The following CLASP1 variants were observed in gnomAD, a reference collection of about 807,000 sequenced individuals.
The protein encoded by CLASP1 is CLIP-associating protein 1.
In CLASP1, 38 loss-of-function variants were observed where a neutral mutation model predicts 192.3. The observed-to-expected ratio is 0.20, with a 90% CI of 0.15 to 0.26. The LOEUF (loss-of-function observed/expected upper bound fraction) is 0.26, where lower values mean the gene tolerates loss of function less well. CLASP1 is among the 10% of genes least tolerant of loss of function. The probability of loss-of-function intolerance (pLI) is 1.00; values close to 1 mark genes in which losing one functional copy is unlikely to be tolerated. For missense variants in CLASP1, 1,433 were observed against 1,932.5 expected, an observed-to-expected ratio of 0.74 and a Z score of 4.85; for synonymous variants, 691 against 712.8, an observed-to-expected ratio of 0.97 and a Z score of 0.49.
At chr2:121,641,613 ATG>A (rs954569345) in intron 1 of CLASP1, among the ~76,000 whole-genome samples, 10 of 152,232 alleles carry the variant, frequency 6.6e-5, no homozygotes, top group Admixed American at 5.9e-4. Context: ...GTAATACCCA[ATG>A]TGAGTTTCAT....
At chr2:121,416,416 G>T (rs1055456073) in intron 23 of CLASP1, among the ~76,000 whole-genome samples, 1 of 152,012 alleles carries the variant, frequency 6.6e-6, no homozygotes, top group Admixed American at 6.5e-5. Flanking sequence ...CATTCTTTTT[G>T]TTGTTGTTGT....
chr2:121,434,636 C>T (rs1035963919), intron 19 of CLASP1, among the ~76,000 whole-genome samples: 2 of 152,120 alleles, frequency 1.3e-5, no homozygotes, highest in Non-Finnish European at 2.9e-5. Context: ...TTAATTTGTA[C>T]CTTTTCTGTA....
rs540822344 is a variant in CLASP1, at chr2:121,478,376, G to A, written c.713-8416C>T. ...AGCACTTTGGGAGGCCAAGGCGGGC[G>A]GACTGCCTGAGGTCAGGAGTTCCAG... On this transcript the variant is annotated intron_variant, in intron 8 of 39. Coordinates refer to ENST00000263710, the Ensembl canonical transcript of CLASP1. 4.6e-5 allele frequency among the ~76,000 whole-genome samples: 7 copies of A among 152,156 alleles called. No homozygotes were observed. In the South Asian group the frequency reaches 1.0e-3, roughly 23 times the overall value.
intron 39 of CLASP1, among the ~76,000 whole-genome samples, chr2:121,345,341 A>C (rs923938804): frequency 2.0e-5 from 3 of 152,156 alleles, no homozygotes; most frequent in Non-Finnish European, 2.9e-5. Context: ...TCAATTGCCA[A>C]ATGGGGAGGA....
intron 2 of CLASP1, among the ~76,000 whole-genome samples, chr2:121,571,950 A>T (rs930533627): frequency 2.6e-5 from 4 of 152,096 alleles, no homozygotes; most frequent in African/African-American, 9.7e-5. Context: ...TCACCTGTAA[A>T]AGATGTAGTA....
intron 8 of CLASP1, among the ~76,000 whole-genome samples, chr2:121,492,389 CAAAAAAAAAAAAA>C (rs761378692): frequency 2.6e-5 from 1 of 37,916 alleles, no homozygotes; most frequent in Non-Finnish European, 4.7e-5. Context: ...ACTCCCTCTC[CAAAAAAAAAAAAA>C]AAAAAAAAAA....
chr2:121,422,452 G>A (rs1043220528), intron 22 of CLASP1, among the ~76,000 whole-genome samples: 6 of 152,120 alleles, frequency 3.9e-5, no homozygotes, highest in African/African-American at 1.4e-4. Context: ...TTCCATAGAG[G>A]AGTGGGAGAA....
chr2:121,493,545 A>G (rs1250049788), intron 8 of CLASP1, among the ~76,000 whole-genome samples: 2 of 152,210 alleles, frequency 1.3e-5, no homozygotes, highest in Admixed American at 1.3e-4. Flanking sequence ...TAAAACTACT[A>G]AAAGAAAACA....
intron 2 of CLASP1, among the ~76,000 whole-genome samples, chr2:121,603,406 T>C (rs570014812): frequency 2.0e-4 from 30 of 152,122 alleles, no homozygotes; most frequent in African/African-American, 6.7e-4. Flanking sequence ...ATGGCTATTA[T>C]CAAAAAGACA....
intron 4 of CLASP1, 65 bp from the exon 5 acceptor site, chr2:121,527,955 G>A (rs2094617507): frequency 2.3e-6 from 3 of 1,286,190 alleles, no homozygotes; most frequent in South Asian, 1.2e-5. Context: ...TTATAAGGGA[G>A]CAATAGAAGG....
intron 2 of CLASP1, among the ~76,000 whole-genome samples, chr2:121,604,501 T>C (rs1257257971): frequency 6.6e-6 from 1 of 152,022 alleles, no homozygotes; most frequent in Non-Finnish European, 1.5e-5. Flanking sequence ...AAACCTTGTC[T>C]CTACAAAAAT....
At chr2:121,635,410 T>C (rs1434930715) in intron 1 of CLASP1, among the ~76,000 whole-genome samples, 1 of 152,118 alleles carries the variant, frequency 6.6e-6, no homozygotes, top group African/African-American at 2.4e-5. Flanking sequence ...AGACAATAGA[T>C]GAATAACCAA....
intron 6 of CLASP1, among the ~76,000 whole-genome samples, chr2:121,517,017 C>CT (rs2094316753): frequency 1.3e-5 from 2 of 152,094 alleles, no homozygotes; most frequent in African/African-American, 4.8e-5. Flanking sequence ...GAGCAAGACT[C>CT]TGTCTCAGAA....
In CLASP1 at chr2:121,525,930, A is replaced by C. The variant is rs2094563612; in HGVS notation, c.471-10T>G. On this transcript the variant is annotated splice_polypyrimidine_tract_variant and intron_variant, in intron 5 of 39. Coordinates refer to ENST00000263710, the Ensembl canonical transcript of CLASP1. The stretch of plus-strand genomic sequence containing the variant: ...AGTCTGTGCTCCAGAGCTGAAAACA[A>C]AAGGAGTGCTTTCTTGTTAGTGAGA... The C allele has an allele frequency of 1.2e-6, 2 of 1,607,278 alleles. No homozygotes were observed. Among genetic ancestry groups the C allele is most frequent in the East Asian group, 4.5e-5 (2 of 44,860 alleles).
chr2:121,622,566 T>G (rs2067556509), intron 1 of CLASP1, among the ~76,000 whole-genome samples: 1 of 128,088 alleles, frequency 7.8e-6, no homozygotes, highest in Non-Finnish European at 1.5e-5. Flanking sequence ...AGACCCTGTC[T>G]CAAAAAAAAA....
intron 14 of CLASP1, among the ~76,000 whole-genome samples, chr2:121,455,690 T>C (rs537889778): frequency 6.6e-6 from 1 of 152,134 alleles, no homozygotes; most frequent in Admixed American, 6.5e-5. Flanking sequence ...TAAGACCTTA[T>C]CTCTACAAAA....
At chr2:121,540,369 C>T (rs889004728) in intron 2 of CLASP1, among the ~76,000 whole-genome samples, 6 of 152,184 alleles carry the variant, frequency 3.9e-5, no homozygotes, top group Admixed American at 3.3e-4. Context: ...AAAGTGGGCA[C>T]GGTGGTGTCT....
At chr2:121,646,226 C>T (rs1319349620) in intron 1 of CLASP1, among the ~76,000 whole-genome samples, 1 of 152,156 alleles carries the variant, frequency 6.6e-6, no homozygotes, top group African/African-American at 2.4e-5. Context: ...GATCCTCCCA[C>T]CTCATCCCCC....
chr2:121,424,060 A>G (rs896574126), intron 22 of CLASP1, among the ~76,000 whole-genome samples: 1 of 151,742 alleles, frequency 6.6e-6, no homozygotes, highest in Admixed American at 6.6e-5. Context: ...TCATCTCCCC[A>G]CCCGGACCAA....
Sources: allele counts gnomAD v4.1 joint callset (sites outside exome capture counted in the v4.1 genomes callset), GRCh38; gene constraint gnomAD v4.1.1; transcripts MANE v1.5; gene names NCBI Gene and HGNC (gene_info 2026-07-23, HGNC 2026-07-21).